Variants in EPHB2 observed in about 807,000 individuals in gnomAD.
EPHB2 encodes EPH receptor B2, also known as ephrin type-B receptor 2.
In EPHB2, 18 loss-of-function variants were observed where a neutral mutation model predicts 96.4. The observed-to-expected ratio is 0.19, with a 90% CI of 0.13 to 0.28. The LOEUF (loss-of-function observed/expected upper bound fraction) is 0.28, where lower values mean the gene tolerates loss of function less well. Among genes scored for constraint, EPHB2 ranks in the 10% least tolerant of loss-of-function variants. The pLI is 1.00. For synonymous variants in EPHB2, 506 were observed against 534.1 expected (o/e 0.95, Z 0.72); for missense variants, 989 against 1,355.4 (o/e 0.73, Z 4.25).
intron 1 of EPHB2, among the ~76,000 whole-genome samples, chr1:22,776,432 G>A (rs1231792337): frequency 1.3e-5 from 2 of 152,240 alleles, no homozygotes; most frequent in African/African-American, 4.8e-5. Flanking sequence ...ATAGTGTGGT[G>A]ATTAATTATC....
chr1:22,756,409 C>T (rs887440960), intron 1 of EPHB2, among the ~76,000 whole-genome samples: 2 of 152,126 alleles, frequency 1.3e-5, no homozygotes, highest in African/African-American at 4.8e-5. Flanking sequence ...ACCGCCAGGA[C>T]CTCATGGTCC....
At chr1:22,744,667 G>T in intron 1 of EPHB2, among the ~76,000 whole-genome samples, 1 of 68,466 alleles carries the variant, frequency 1.5e-5, no homozygotes, top group African/African-American at 6.1e-5. Context: ...GTGAGACATT[G>T]TCTCAAAAAA....
intron 1 of EPHB2, among the ~76,000 whole-genome samples, chr1:22,778,823 T>C (rs1644488879): frequency 6.6e-6 from 1 of 152,180 alleles, no homozygotes; most frequent in East Asian, 1.9e-4. Flanking sequence ...GCACCAACTT[T>C]TAGTGTGTGA....
At chr1:22,798,961 G>A (rs1644804682) in intron 3 of EPHB2, among the ~76,000 whole-genome samples, 1 of 152,128 alleles carries the variant, frequency 6.6e-6, no homozygotes, top group South Asian at 2.1e-4. Flanking sequence ...TAAGGTGGGG[G>A]GGACATGGTA....
rs1222041845 is a variant in EPHB2, at chr1:22,860,619, C to A, written c.812-2418C>A. Among the ~76,000 whole-genome samples the A allele has an allele frequency of 1.3e-5, 2 of 152,120 alleles. No individual in the cohort carries two copies. Among genetic ancestry groups the A allele is most frequent in the Non-Finnish European group, 1.5e-5 (1 of 67,998 alleles). On this transcript the variant is annotated intron_variant, in intron 3 of 15. Coordinates refer to ENST00000374630, the MANE Select transcript of EPHB2 (RefSeq NM_017449.5). This position sits in a 1 kb window ranked among gnomAD's most constrained non-coding sequence, Gnocchi z 4.6. Reference sequence around the variant, plus strand: ...GAGCAGCCACCCACTGGCGGCCCCCCCGGGAATGCCCCGCAGATGGAGGAG... The same window carrying A: ...GAGCAGCCACCCACTGGCGGCCCCCACGGGAATGCCCCGCAGATGGAGGAG...
intron 9 of EPHB2, among the ~76,000 whole-genome samples, chr1:22,904,244 G>A (rs1639836097): frequency 6.7e-6 from 1 of 148,560 alleles, no homozygotes; most frequent in Non-Finnish European, 1.5e-5. Context: ...AGTGAGCTGA[G>A]ATTGTGCCAC....
intron 5 of EPHB2, among the ~76,000 whole-genome samples, chr1:22,868,816 G>T (rs1346829359): frequency 1.1e-4 from 16 of 152,170 alleles, no homozygotes. Context: ...TGGGGTCATT[G>T]TTCTAATCTA....
chr1:22,905,644 C>T (rs533099302), intron 9 of EPHB2, among the ~76,000 whole-genome samples: 8 of 152,334 alleles, frequency 5.3e-5, no homozygotes, highest in African/African-American at 1.2e-4. Flanking sequence ...TATCACCTAT[C>T]GATCCGTTTA....
chr1:22,714,038 G>T (rs190244691), intron 1 of EPHB2, among the ~76,000 whole-genome samples: 14 of 152,342 alleles, frequency 9.2e-5, no homozygotes, highest in Admixed American at 3.3e-4. Context: ...CAAAGGTCAA[G>T]GTCTCAAGAA....
chr1:22,720,704 G>A (rs895888652), intron 1 of EPHB2, among the ~76,000 whole-genome samples: 5 of 123,088 alleles, frequency 4.1e-5, no homozygotes, highest in Non-Finnish European at 7.9e-5. Context: ...ATTGTCTTCA[G>A]TGTTATCTGC....
chr1:22,897,467 A>G (rs1570453837), intron 9 of EPHB2, among the ~76,000 whole-genome samples: 1 of 152,062 alleles, frequency 6.6e-6, no homozygotes, highest in Non-Finnish European at 1.5e-5. Context: ...TATGCCAGGC[A>G]CTGTTCTAGG....
chr1:22,816,208 G>C (rs991324323), intron 3 of EPHB2, among the ~76,000 whole-genome samples: 2 of 152,084 alleles, frequency 1.3e-5, no homozygotes, highest in African/African-American at 2.4e-5. Context: ...TCTCTATCCA[G>C]GGTGGAAGCC....
chr1:22,815,034 G>A (rs954613349), intron 3 of EPHB2, among the ~76,000 whole-genome samples: 3 of 152,184 alleles, frequency 2.0e-5, no homozygotes, highest in Non-Finnish European at 4.4e-5. Flanking sequence ...CGCTGGGCAG[G>A]GCACCCATAG....
intron 3 of EPHB2, among the ~76,000 whole-genome samples, chr1:22,855,105 C>A (rs1224674275): frequency 3.9e-5 from 6 of 152,348 alleles, no homozygotes. Flanking sequence ...CCAGGCAGCG[C>A]CTTCCTTGGA....
In EPHB2 at chr1:22,892,108, C is replaced by A. The variant is rs76485476; in HGVS notation, c.1429-776C>A. Among the ~76,000 whole-genome samples the A allele has an allele frequency of 3.4e-3, 522 of 152,086 alleles. 5 individuals carry two copies. The highest frequency in any genetic ancestry group is 0.011 in the African/African-American group (448 of 41,482). ...CACCGTATCCAGCCTGGTTTTGAAT[C>A]TCAAAGCAACCCTGAACTGATAGTG... On this transcript the variant is annotated intron_variant, in intron 6 of 15. Coordinates refer to ENST00000374630, the MANE Select transcript of EPHB2 (RefSeq NM_017449.5).
Position 22,860,150 on chromosome 1 carries a change from T to C in EPHB2, c.812-2887T>C, listed in dbSNP as rs1462953270. ...TCCAACGTATGTGCCATTGTGGATT[T>C]TTAAGACTTGGAAAGGTCTGCACTC... On this transcript the variant is annotated intron_variant, in intron 3 of 15. Coordinates refer to ENST00000374630, the MANE Select transcript of EPHB2 (RefSeq NM_017449.5). The surrounding 1 kb of genome is among the most constrained non-coding windows in gnomAD (Gnocchi z 4.6). Among the ~76,000 whole-genome samples, 1 of 152,180 alleles carries C rather than the reference T, an allele frequency of 6.6e-6. No individual in the cohort carries two copies. Among genetic ancestry groups the C allele is most frequent in the Non-Finnish European group, 1.5e-5 (1 of 68,024 alleles).
At chr1:22,713,954 G>A (rs1449066489) in intron 1 of EPHB2, among the ~76,000 whole-genome samples, 4 of 152,250 alleles carry the variant, frequency 2.6e-5, no homozygotes, top group African/African-American at 9.6e-5. Flanking sequence ...GAGCAGGATG[G>A]AAGAGCACTG....
chr1:22,726,977 G>T (rs1299831958), intron 1 of EPHB2, among the ~76,000 whole-genome samples: 1 of 152,194 alleles, frequency 6.6e-6, no homozygotes, highest in Non-Finnish European at 1.5e-5. Flanking sequence ...GCTGGAAAGG[G>T]GTAGGTTTGT....
At chr1:22,712,986 T>G (rs1271086696) in intron 1 of EPHB2, among the ~76,000 whole-genome samples, 7 of 152,132 alleles carry the variant, frequency 4.6e-5, no homozygotes, top group Non-Finnish European at 1.0e-4. Context: ...AAGGGCCACA[T>G]CTGTCCAGCC....
Sources: gnomAD v4.1 joint callset for allele counts (sites outside exome capture counted in the v4.1 genomes callset) on GRCh38, gnomAD v4.1.1 for gene constraint, Gnocchi (gnomAD v3.1) non-coding constraint, MANE v1.5 for transcripts, NCBI Gene and HGNC (gene_info 2026-07-23, HGNC 2026-07-21) for gene names.